NDE1: variants seen among roughly 807,000 people sequenced by gnomAD.
NDE1 encodes the protein nudE neurodevelopment protein 1.
In NDE1, 28 loss-of-function variants were observed where a neutral mutation model predicts 43.4. The observed-to-expected ratio is 0.65, with a 90% CI of 0.48 to 0.89. The LOEUF is 0.89. Ranked by LOEUF, NDE1 falls within the 40% of genes least tolerant of loss-of-function variation. NDE1 has a pLI of 0.00. For synonymous variants in NDE1, 184 were observed against 172.0 expected (o/e 1.07, Z -0.55); for missense variants, 441 against 434.1 (o/e 1.02, Z -0.14).
chr16:15,708,751 AAAG>A (rs1202058928), intron 8 of NDE1: 7 of 1,564,268 alleles, frequency 4.5e-6, no homozygotes, highest in African/African-American at 3.3e-5. Flanking sequence ...ATTGGGCAGA[AAAG>A]AAATGGATAC....
chr16:15,672,719 C>G (rs1348717159), intron 3 of NDE1: 3 of 152,218 alleles, frequency 2.0e-5, no homozygotes, highest in Admixed American at 2.0e-4. Context: ...ATCGCCAGTG[C>G]AGTCGGTGGA....
At chr16:15,658,209 A>T (rs753719681) in intron 1 of NDE1, among the ~76,000 whole-genome samples, 1 of 152,204 alleles carries the variant, frequency 6.6e-6, no homozygotes, top group Non-Finnish European at 1.5e-5. Flanking sequence ...CTCCAGCTTC[A>T]GGCTTACCTT....
At chr16:15,658,998 T>G (rs914256412) in intron 1 of NDE1, among the ~76,000 whole-genome samples, 3 of 152,166 alleles carry the variant, frequency 2.0e-5, no homozygotes, top group Non-Finnish European at 2.9e-5. Flanking sequence ...GATCAAACTT[T>G]CAGAGAATCT....
chr16:15,674,269 G>C (rs1201778680), intron 3 of NDE1, among the ~76,000 whole-genome samples: 2 of 151,976 alleles, frequency 1.3e-5, no homozygotes, highest in African/African-American at 4.8e-5. Context: ...TTTTGAGATG[G>C]AGTCTTGTTC....
rs1363190730 is a variant in NDE1, at chr16:15,687,514, C to T, written c.523+3C>T. ...GAGACTGAAGGATGAAGCCAGAGGTCAGGAGGCCTTGGTGTCTTCACCAGC... is the reference window on the plus strand; with the variant it reads ...GAGACTGAAGGATGAAGCCAGAGGTTAGGAGGCCTTGGTGTCTTCACCAGC... On this transcript the variant is annotated splice_donor_region_variant and intron_variant, in intron 5 of 8. Coordinates refer to ENST00000396354, the MANE Select transcript of NDE1 (RefSeq NM_017668.3). 4.3e-6 allele frequency: 7 copies of T among 1,613,288 alleles called. No individual in the cohort carries two copies. Among genetic ancestry groups the T allele is most frequent in the Non-Finnish European group, 5.9e-6 (7 of 1,179,396 alleles).
At chr16:15,695,243 G>GT in intron 7 of NDE1, among the ~76,000 whole-genome samples, 1 of 135,400 alleles carries the variant, frequency 7.4e-6, no homozygotes, top group African/African-American at 3.0e-5. Context: ...GTTTCTTGGG[G>GT]TTTAAGTGAA....
At chr16:15,649,152 C>T (rs1567610408), upstream of NDE1, among the ~76,000 whole-genome samples, 5 of 152,098 alleles carry the variant, frequency 3.3e-5, no homozygotes, top group Admixed American at 3.3e-4. Flanking sequence ...GTGGAGATCA[C>T]GCCACTGCAT....
At chr16:15,714,974 C>T in intron 8 of NDE1, 2 of 1,614,108 alleles carry the variant, frequency 1.2e-6, no homozygotes, top group South Asian at 1.1e-5. Flanking sequence ...TGGCCTCATC[C>T]AGCTCCCGCT....
intron 8 of NDE1, among the ~76,000 whole-genome samples, chr16:15,716,075 T>A (rs1014898755): frequency 1.3e-5 from 2 of 152,072 alleles, no homozygotes; most frequent in Admixed American, 1.3e-4. Flanking sequence ...CACACCAGCC[T>A]GGGAAACAGA....
At chr16:15,682,949 A>G (rs2038257712) in intron 4 of NDE1, among the ~76,000 whole-genome samples, 1 of 151,840 alleles carries the variant, frequency 6.6e-6, no homozygotes, top group Admixed American at 6.6e-5. Context: ...CAAGCGATCC[A>G]CCACCTCGGC....
At chr16:15,708,909 C>T in intron 8 of NDE1, 1 of 1,444,676 alleles carries the variant, frequency 6.9e-7, no homozygotes, top group Non-Finnish European at 9.6e-7. Flanking sequence ...TAAGTATATT[C>T]TTAATTGTTA....
intron 8 of NDE1, chr16:15,721,660 T>C (rs2040491962): frequency 6.2e-7 from 1 of 1,612,606 alleles, no homozygotes. Flanking sequence ...CAGAGGTGAC[T>C]TCTAGGCATA....
At chr16:15,671,764 C>T (rs2037605611) in intron 3 of NDE1, among the ~76,000 whole-genome samples, 2 of 152,092 alleles carry the variant, frequency 1.3e-5, no homozygotes, top group African/African-American at 4.8e-5. Context: ...GATCTCAGCT[C>T]ACTGCAACCT....
intron 8 of NDE1, among the ~76,000 whole-genome samples, chr16:15,709,014 C>T (rs1430880153): frequency 6.6e-6 from 1 of 151,956 alleles, no homozygotes; most frequent in Non-Finnish European, 1.5e-5. Context: ...GCGATCTTGG[C>T]TCACTGCAAC....
chr16:15,681,075 ATTGT>A (rs2038149686), intron 4 of NDE1, among the ~76,000 whole-genome samples: 1 of 143,600 alleles, frequency 7.0e-6, no homozygotes, highest in African/African-American at 2.6e-5. Context: ...TTGGTTCTTG[ATTGT>A]TCATGTGTTT....
chr16:15,693,906 C>T (rs1332502889), intron 6 of NDE1, among the ~76,000 whole-genome samples: 1 of 152,194 alleles, frequency 6.6e-6, no homozygotes, highest in Non-Finnish European at 1.5e-5. Context: ...CATCACCGCA[C>T]TCCAGTCCGG....
chr16:15,686,451 C>T (rs551528913), intron 4 of NDE1: 1 of 985,408 alleles, frequency 1.0e-6, no homozygotes, highest in African/African-American at 1.7e-5. Flanking sequence ...GTGAGCAGGG[C>T]AGCTGGGCTG....
chr16:15,711,215 G>C (rs1024710176), intron 8 of NDE1: 1 of 152,180 alleles, frequency 6.6e-6, no homozygotes, highest in African/African-American at 2.4e-5. Context: ...TCACGCAGTG[G>C]TCCCCAAACT....
intron 8 of NDE1, chr16:15,699,571 C>T (rs2039155815): frequency 8.4e-7 from 1 of 1,189,886 alleles, no homozygotes; most frequent in Admixed American, 3.5e-5. Flanking sequence ...AGCCAGGTAG[C>T]CAGTGTCCTC....
Sources: allele counts gnomAD v4.1 joint callset (sites outside exome capture counted in the v4.1 genomes callset), GRCh38; gene constraint gnomAD v4.1.1; transcripts MANE v1.5; gene names NCBI Gene and HGNC (gene_info 2026-07-23, HGNC 2026-07-21).